FER1L6: variants seen among roughly 807,000 people sequenced by gnomAD.
FER1L6 encodes the protein fer-1 like family member 6.
In FER1L6, 177 loss-of-function variants were observed where a neutral mutation model predicts 219.2. The observed-to-expected ratio is 0.81, with a 90% CI of 0.71 to 0.91. The LOEUF is 0.91. Ranked by LOEUF, FER1L6 falls within the 40% of genes least tolerant of loss-of-function variation. The pLI is 0.00. For missense variants in FER1L6, 2,153 were observed against 2,259.9 expected (o/e 0.95, Z 0.96); for synonymous variants, 768 against 824.3 (o/e 0.93, Z 1.17).
chr8:123,954,444 G>T (rs1814922933), intron 1 of FER1L6, among the ~76,000 whole-genome samples: 1 of 152,132 alleles, frequency 6.6e-6, no homozygotes, highest in South Asian at 2.1e-4. Context: ...ATTAAAAAAA[G>T]CAGGACATAC....
At position 123,926,311 on chromosome 8, in the gene FER1L6, G is replaced by A. The variant is rs36044469; in HGVS notation, c.-7-29681G>A. The stretch of plus-strand genomic sequence containing the variant: ...GGTTAGTATTATGTTTAAGAATCCC[G>A]GTGGCTTACTTTCCTCTGGATTCTG... On this transcript the variant is annotated intron_variant, in intron 1 of 40. Coordinates refer to ENST00000522917, the MANE Select transcript of FER1L6 (RefSeq NM_001039112.2). Among the ~76,000 whole-genome samples the A allele has an allele frequency of 5.5e-4, 83 of 152,010 alleles. No individual in the cohort carries two copies. In the East Asian group the frequency reaches 0.012, roughly 22 times the overall value.
intron 10 of FER1L6, among the ~76,000 whole-genome samples, chr8:123,977,999 C>A (rs555374904): frequency 2.6e-5 from 4 of 152,092 alleles, no homozygotes; most frequent in African/African-American, 7.2e-5. Context: ...TGGCTCTGGG[C>A]GGTCAGGAGC....
At chr8:124,021,855 ATTT>A (rs11370425) in intron 17 of FER1L6, among the ~76,000 whole-genome samples, 186 bp downstream of exon 17, 3 of 151,512 alleles carry the variant, frequency 2.0e-5, no homozygotes, top group Non-Finnish European at 4.4e-5. Flanking sequence ...AGCTTTATTC[ATTT>A]TTTTTTCACA....
At chr8:123,856,318 A>ATGTGTGTG (rs1484304999) in intron 1 of FER1L6, among the ~76,000 whole-genome samples, 1 of 64,002 alleles carries the variant, frequency 1.6e-5, no homozygotes, top group African/African-American at 7.0e-5. Context: ...ATGTATGTGT[A>ATGTGTGTG]TATATATATA....
intron 7 of FER1L6, 82 bp downstream of exon 7, chr8:123,973,594 C>A: frequency 1.0e-6 from 1 of 998,092 alleles, no homozygotes; most frequent in African/African-American, 1.6e-5. Context: ...ATTCACTCAC[C>A]TGTGTGACCA....
chr8:124,113,012 T>C (rs189950424), intron 39 of FER1L6, among the ~76,000 whole-genome samples: 1 of 152,204 alleles, frequency 6.6e-6, no homozygotes, highest in Non-Finnish European at 1.5e-5. Flanking sequence ...TATGCATAAA[T>C]TTTAGTTCCC....
chr8:123,951,272 G>T (rs1814753256), intron 1 of FER1L6, among the ~76,000 whole-genome samples: 1 of 152,150 alleles, frequency 6.6e-6, no homozygotes, highest in Non-Finnish European at 1.5e-5. Context: ...GGTCAAGTGT[G>T]GGGCACAGTT....
intron 1 of FER1L6, among the ~76,000 whole-genome samples, chr8:123,941,932 C>T (rs998337671): frequency 6.6e-5 from 10 of 152,076 alleles, no homozygotes; most frequent in African/African-American, 2.4e-4. Flanking sequence ...ATCACTTCCC[C>T]CAGTGGTAAC....
intron 1 of FER1L6, among the ~76,000 whole-genome samples, chr8:123,871,984 A>T (rs958284170): frequency 1.3e-5 from 2 of 152,146 alleles, no homozygotes; most frequent in Non-Finnish European, 2.9e-5. Flanking sequence ...TTATAAAGAA[A>T]AGAGGTTTAA....
intron 1 of FER1L6, among the ~76,000 whole-genome samples, chr8:123,924,428 G>C (rs1431526668): frequency 1.3e-5 from 2 of 151,808 alleles, no homozygotes; most frequent in African/African-American, 2.4e-5. Context: ...TGCAATCCCA[G>C]CTACTTGGGA....
chr8:123,915,042 T>A (rs1813144423), intron 1 of FER1L6, among the ~76,000 whole-genome samples: 1 of 151,998 alleles, frequency 6.6e-6, no homozygotes, highest in Admixed American at 6.6e-5. Context: ...CATGCTTTTT[T>A]TTTTTTCTTT....
chr8:123,873,560 T>C (rs1816959245), intron 1 of FER1L6, among the ~76,000 whole-genome samples: 5 of 152,186 alleles, frequency 3.3e-5, no homozygotes, highest in Admixed American at 3.3e-4. Context: ...CTCTCTCTCC[T>C]TCTAGCTCTG....
chr8:124,007,142 C>T (rs573121157), intron 13 of FER1L6, among the ~76,000 whole-genome samples: 1 of 152,312 alleles, frequency 6.6e-6, no homozygotes, highest in East Asian at 1.9e-4. Context: ...GAGCAGACCA[C>T]GGGGCACCTT....
chr8:123,933,039 T>C lies in FER1L6; in HGVS notation c.-7-22953T>C, dbSNP rs529510009. Among the ~76,000 whole-genome samples, 22 of 152,318 alleles carry C rather than the reference T, an allele frequency of 1.4e-4. No individual in the cohort carries two copies. The South Asian group carries it at 4.1e-3, about 29-fold the overall frequency. ...CTGTGAGCCCCAGGTTTTTCTTGATTGAATCAGTGCCTTCCCCTGACCCAC... is the reference window on the plus strand; with the variant it reads ...CTGTGAGCCCCAGGTTTTTCTTGATCGAATCAGTGCCTTCCCCTGACCCAC... On this transcript the variant is annotated intron_variant, in intron 1 of 40. Transcript: ENST00000522917.
At chr8:124,008,136 T>C (rs1817753163) in intron 13 of FER1L6, among the ~76,000 whole-genome samples, 1 of 152,186 alleles carries the variant, frequency 6.6e-6, no homozygotes, top group East Asian at 1.9e-4. Flanking sequence ...ACTGTATCCT[T>C]CTTATGCCTT....
chr8:124,035,243 T>A (rs1819146723), intron 18 of FER1L6, 34 bp from the exon 19 acceptor site: 1 of 1,598,922 alleles, frequency 6.3e-7, no homozygotes, highest in African/African-American at 1.3e-5. Context: ...TATCTCCTAC[T>A]AATAAGTCAG....
At position 123,857,774 on chromosome 8, in the gene FER1L6, G is replaced by A. The variant is rs545848086; in HGVS notation, c.-8+5589G>A. ...AGCCAGCAGGTTCTTGGAGGCCACC[G>A]CCCTTCCACTGCCCTCTCTCCTCTT... On this transcript the variant is annotated intron_variant, in intron 1 of 40. Coordinates refer to ENST00000522917, the MANE Select transcript of FER1L6 (RefSeq NM_001039112.2). Among the ~76,000 whole-genome samples, 21 of 152,204 alleles carry A rather than the reference G, an allele frequency of 1.4e-4. No homozygotes were observed. In the South Asian group the frequency reaches 3.1e-3, roughly 23 times the overall value.
chr8:123,971,500 A>G (rs1815814978), intron 6 of FER1L6, among the ~76,000 whole-genome samples: 1 of 152,176 alleles, frequency 6.6e-6, no homozygotes, highest in African/African-American at 2.4e-5. Flanking sequence ...TGTGCCATAG[A>G]CCAGGGTCAG....
Position 123,899,555 on chromosome 8 carries a change from CT to C in FER1L6, c.-8+47374del, listed in dbSNP as rs535683613. 1.4e-3 allele frequency among the ~76,000 whole-genome samples: 218 copies of C among 152,182 alleles called. 1 individual carries two copies. Among genetic ancestry groups the C allele is most frequent in the Admixed American group, 3.9e-3 (59 of 15,282 alleles). Reference sequence around the variant, plus strand: ...TTTGTATTTGTTTTTATCGCATTTGCTTTTGGGTTCTTGGTCATGAAATCCT... The same window carrying C: ...TTTGTATTTGTTTTTATCGCATTTGCTTTGGGTTCTTGGTCATGAAATCCT... On this transcript the variant is annotated intron_variant, in intron 1 of 40. Transcript: ENST00000522917.
Sources: allele counts gnomAD v4.1 joint callset (sites outside exome capture counted in the v4.1 genomes callset), GRCh38; gene constraint gnomAD v4.1.1; transcripts MANE v1.5; gene names NCBI Gene and HGNC (gene_info 2026-07-23, HGNC 2026-07-21).